Variants in FRMD4A observed in about 807,000 individuals in gnomAD.
FRMD4A encodes the protein FERM domain containing 4A.
In FRMD4A, 29 loss-of-function variants were observed where a neutral mutation model predicts 129.1. The ratio of observed to expected loss-of-function variants is 0.22; its 90% CI spans 0.17 to 0.31. The LOEUF (loss-of-function observed/expected upper bound fraction) is 0.31, where lower values mean the gene tolerates loss of function less well. Ranked by LOEUF, FRMD4A falls within the 10% of genes least tolerant of loss-of-function variation. FRMD4A has a pLI of 1.00. For missense variants in FRMD4A, 1,272 were observed against 1,375.8 expected (o/e 0.92, Z 1.19); for synonymous variants, 634 against 571.6 (o/e 1.11, Z -1.56).
At chr10:13,688,503 C>G (rs1186552018) in intron 15 of FRMD4A, among the ~76,000 whole-genome samples, 2 of 151,836 alleles carry the variant, frequency 1.3e-5, no homozygotes, top group African/African-American at 4.8e-5. Context: ...GTGTAACAAA[C>G]CTGCACCTTG....
At chr10:14,071,706 T>C (rs904079616) in intron 2 of FRMD4A, among the ~76,000 whole-genome samples, 2 of 152,074 alleles carry the variant, frequency 1.3e-5, no homozygotes, top group Non-Finnish European at 1.5e-5. Flanking sequence ...GTGTTCTTGG[T>C]GGCTTAGGAT....
intron 3 of FRMD4A, among the ~76,000 whole-genome samples, chr10:13,826,522 G>C (rs570225975): frequency 1.2e-4 from 18 of 152,272 alleles, no homozygotes; most frequent in Admixed American, 2.0e-4. Flanking sequence ...AGAAAAAGAA[G>C]TCCCTCTCCG....
At chr10:14,315,440 C>T (rs1487319802) in intron 2 of FRMD4A, among the ~76,000 whole-genome samples, 1 of 152,178 alleles carries the variant, frequency 6.6e-6, no homozygotes, top group Non-Finnish European at 1.5e-5. Flanking sequence ...CTTGCCTCCT[C>T]CCTCTGCCTC....
intron 2 of FRMD4A, among the ~76,000 whole-genome samples, chr10:14,108,851 G>A (rs1837722104): frequency 6.6e-6 from 1 of 152,084 alleles, no homozygotes; most frequent in Non-Finnish European, 1.5e-5. Context: ...AACTCAATGG[G>A]GAAAAGTAGA....
chr10:13,736,214 G>C (rs1212867121), intron 12 of FRMD4A, among the ~76,000 whole-genome samples: 1 of 151,964 alleles, frequency 6.6e-6, no homozygotes, highest in Non-Finnish European at 1.5e-5. Flanking sequence ...AAAAGAAGGA[G>C]GGAAGAGAGA....
intron 2 of FRMD4A, among the ~76,000 whole-genome samples, chr10:14,026,736 A>C (rs1412111532): frequency 6.6e-6 from 1 of 152,226 alleles, no homozygotes; most frequent in Non-Finnish European, 1.5e-5. Context: ...TTCTTGCCAC[A>C]TAGTTGCCAT....
At chr10:13,777,344 A>AAAT (rs1564785106) in intron 6 of FRMD4A, among the ~76,000 whole-genome samples, 4 of 151,732 alleles carry the variant, frequency 2.6e-5, no homozygotes, top group Admixed American at 2.0e-4. Flanking sequence ...GTATATATAA[A>AAAT]AAATTTAAAT....
chr10:14,103,570 C>G (rs1029875321), intron 2 of FRMD4A, among the ~76,000 whole-genome samples: 11 of 152,114 alleles, frequency 7.2e-5, no homozygotes, highest in African/African-American at 2.4e-4. Flanking sequence ...AAATATCTAT[C>G]CTGTTTAAGC....
intron 6 of FRMD4A, among the ~76,000 whole-genome samples, chr10:13,774,423 G>A (rs926912188): frequency 4.6e-5 from 7 of 152,150 alleles, no homozygotes; most frequent in Admixed American, 2.0e-4. Flanking sequence ...TGAGAGGTTC[G>A]TTCTCTGAAG....
intron 21 of FRMD4A, among the ~76,000 whole-genome samples, chr10:13,658,196 C>T (rs940796001): frequency 7.0e-6 from 1 of 143,214 alleles, no homozygotes; most frequent in Admixed American, 7.0e-5. Flanking sequence ...ATTTACAGAT[C>T]AGATAAAAGC....
At chr10:14,180,873 T>C (rs910541928) in intron 2 of FRMD4A, among the ~76,000 whole-genome samples, 4 of 152,228 alleles carry the variant, frequency 2.6e-5, no homozygotes, top group African/African-American at 9.6e-5. Flanking sequence ...ATTCCGGCAC[T>C]TCTATGTTAT....
At chr10:13,705,009 G>A (rs1167573635) in intron 13 of FRMD4A, among the ~76,000 whole-genome samples, 1 of 152,184 alleles carries the variant, frequency 6.6e-6, no homozygotes, top group African/African-American at 2.4e-5. Flanking sequence ...GGAAGGTGGA[G>A]GCTGCAGTGA....
intron 2 of FRMD4A, among the ~76,000 whole-genome samples, chr10:13,940,345 A>T (rs1305994353): frequency 1.3e-5 from 2 of 152,072 alleles, no homozygotes; most frequent in Non-Finnish European, 2.9e-5. Context: ...CCATTTAGGA[A>T]TATGTCAACT....
chr10:13,915,669 CA>C (rs68011803), intron 2 of FRMD4A, among the ~76,000 whole-genome samples: 12,328 of 121,918 alleles, frequency 0.1, 556 homozygotes, highest in African/African-American at 0.14. Flanking sequence ...GACTCTATCT[CA>C]AAAAAAAAAA....
chr10:13,754,071 T>G (rs2091752633), intron 8 of FRMD4A, among the ~76,000 whole-genome samples: 2 of 152,226 alleles, frequency 1.3e-5, no homozygotes, highest in Non-Finnish European at 2.9e-5. Context: ...CTTTCTATAT[T>G]TCTCAGTATC....
chr10:14,323,043 A>G (rs539628528), intron 2 of FRMD4A, among the ~76,000 whole-genome samples: 1 of 152,318 alleles, frequency 6.6e-6, no homozygotes, highest in African/African-American at 2.4e-5. Context: ...TCAAGATAGG[A>G]ATGCAAATTT....
chr10:13,684,075 G>A (rs1178970579), intron 15 of FRMD4A: 3 of 152,228 alleles, frequency 2.0e-5, no homozygotes, highest in Non-Finnish European at 4.4e-5. Flanking sequence ...CAGGAAAACA[G>A]TGTCATCAGG....
chr10:13,979,590 T>C (rs949169865), intron 2 of FRMD4A, among the ~76,000 whole-genome samples: 1 of 152,230 alleles, frequency 6.6e-6, no homozygotes, highest in African/African-American at 2.4e-5. Context: ...CACTTTGTTT[T>C]AACCTATAAC....
intron 2 of FRMD4A, among the ~76,000 whole-genome samples, chr10:13,905,517 C>A (rs1233120502): frequency 6.6e-6 from 1 of 152,094 alleles, no homozygotes; most frequent in East Asian, 1.9e-4. Flanking sequence ...GTGCTCTTTA[C>A]AAAGGAAATT....
Sources: allele counts gnomAD v4.1 joint callset (sites outside exome capture counted in the v4.1 genomes callset), GRCh38; gene constraint gnomAD v4.1.1; transcripts MANE v1.5; gene names NCBI Gene and HGNC (gene_info 2026-07-23, HGNC 2026-07-21).